Variants in SFMBT2 observed in about 807,000 individuals in gnomAD.
The protein encoded by SFMBT2 is scm-like with four MBT domains protein 2.
SFMBT2 carries 38 observed loss-of-function variants against 110.1 expected under a neutral mutation model. The ratio of observed to expected loss-of-function variants is 0.35; its 90% CI spans 0.27 to 0.45. The LOEUF (loss-of-function observed/expected upper bound fraction) is 0.45. Ranked by LOEUF, SFMBT2 falls within the 20% of genes least tolerant of loss-of-function variation. SFMBT2 has a pLI of 1.00. For synonymous variants in SFMBT2, 425 were observed against 425.4 expected (o/e 1.00, Z 0.01); for missense variants, 1,011 against 1,094.9 (o/e 0.92, Z 1.08).
In SFMBT2 at chr10:7,383,362, T is replaced by C. The variant is rs1845480712; in HGVS notation, c.-51-1413A>G. Among the ~76,000 whole-genome samples, 3 of 151,980 alleles carry C rather than the reference T, an allele frequency of 2.0e-5. No individual in the cohort carries two copies. In the South Asian group the frequency reaches 6.2e-4, roughly 32 times the overall value. On this transcript the variant is annotated intron_variant, in intron 1 of 20. Transcript: ENST00000397167. ...TCTAAATAAACAAAAAACAGGAGGTTCATGAAAGAGCATGTTACTCATTTG... is the reference window on the plus strand; with the variant it reads ...TCTAAATAAACAAAAAACAGGAGGTCCATGAAAGAGCATGTTACTCATTTG...
At chr10:7,358,013 A>G (rs143201205) in intron 4 of SFMBT2, among the ~76,000 whole-genome samples, 1,657 of 152,182 alleles carry the variant, frequency 0.011, 16 homozygotes, top group Non-Finnish European at 0.016. Flanking sequence ...TGACATCAAC[A>G]TGGCCCTAGA....
At chr10:7,181,048 G>T (rs950542268) in intron 16 of SFMBT2, among the ~76,000 whole-genome samples, 2 of 152,026 alleles carry the variant, frequency 1.3e-5, no homozygotes, top group African/African-American at 2.4e-5. Context: ...GGACCATCCT[G>T]GCCAACATGG....
chr10:7,245,434 C>T (rs1482520720), intron 8 of SFMBT2, among the ~76,000 whole-genome samples: 1 of 152,176 alleles, frequency 6.6e-6, no homozygotes, highest in East Asian at 1.9e-4. Flanking sequence ...TTTCCACAAC[C>T]GTTAAAATGC....
At chr10:7,336,098 T>C (rs564569263) in intron 4 of SFMBT2, among the ~76,000 whole-genome samples, 2 of 152,256 alleles carry the variant, frequency 1.3e-5, no homozygotes, top group Non-Finnish European at 2.9e-5. Flanking sequence ...CAACAGTTTT[T>C]AAAATCTTAA....
intron 1 of SFMBT2, among the ~76,000 whole-genome samples, chr10:7,390,754 A>G (rs1845741790): frequency 6.6e-6 from 1 of 152,250 alleles, no homozygotes; most frequent in African/African-American, 2.4e-5. Context: ...TAGACACTAC[A>G]GAACAGTAAT....
intron 17 of SFMBT2, among the ~76,000 whole-genome samples, chr10:7,173,956 T>C (rs916837316): frequency 1.5e-4 from 23 of 152,166 alleles, no homozygotes; most frequent in Non-Finnish European, 3.1e-4. Context: ...ACTTACAAAA[T>C]GAGACCATCA....
chr10:7,336,114 T>C (rs1238309784), intron 4 of SFMBT2, among the ~76,000 whole-genome samples: 1 of 152,228 alleles, frequency 6.6e-6, no homozygotes, highest in Admixed American at 6.5e-5. Flanking sequence ...CTTAAATCAT[T>C]TGTAAATTAA....
chr10:7,318,156 G>A (rs1274495624), intron 4 of SFMBT2, among the ~76,000 whole-genome samples: 1 of 152,246 alleles, frequency 6.6e-6, no homozygotes, highest in Non-Finnish European at 1.5e-5. Flanking sequence ...AAGAGAAAGT[G>A]GCAAATTCAT....
intron 4 of SFMBT2, among the ~76,000 whole-genome samples, chr10:7,315,064 G>GAAAGAAAGAAAGAA (rs1842963778): frequency 7.2e-6 from 1 of 139,628 alleles, no homozygotes; most frequent in African/African-American, 2.7e-5. Context: ...AAGAAAGAAA[G>GAAAGAAAGAAAGAA]AAAGAAAGAA....
chr10:7,165,959 C>T (rs1367640632), intron 20 of SFMBT2, among the ~76,000 whole-genome samples: 1 of 152,192 alleles, frequency 6.6e-6, no homozygotes, highest in East Asian at 1.9e-4. Flanking sequence ...ACTTTCAGAG[C>T]CAAATCCACA....
At chr10:7,368,252 G>GTC (rs1844966226) in intron 3 of SFMBT2, 1 of 726,550 alleles carries the variant, frequency 1.4e-6, no homozygotes. Context: ...TACACTCAGA[G>GTC]CACATCTGAA....
chr10:7,240,161 G>A (rs1484272676), intron 9 of SFMBT2, among the ~76,000 whole-genome samples: 1 of 152,022 alleles, frequency 6.6e-6, no homozygotes, highest in Non-Finnish European at 1.5e-5. Context: ...CCCCACCTCT[G>A]TCCCTCATAC....
At chr10:7,234,367 G>C (rs190424905) in intron 9 of SFMBT2, among the ~76,000 whole-genome samples, 6 of 152,294 alleles carry the variant, frequency 3.9e-5, no homozygotes, top group African/African-American at 1.2e-4. Flanking sequence ...TCTGCTGAGG[G>C]AATGTTCTAC....
chr10:7,357,101 G>T (rs1049310125), intron 4 of SFMBT2, among the ~76,000 whole-genome samples: 4 of 152,200 alleles, frequency 2.6e-5, no homozygotes, highest in Non-Finnish European at 5.9e-5. Context: ...TTGTCTGTTA[G>T]GGCAAAGTAG....
intron 4 of SFMBT2, chr10:7,320,577 G>A (rs1227786486): frequency 2.0e-6 from 2 of 984,364 alleles, no homozygotes; most frequent in Non-Finnish European, 2.4e-6. Context: ...GCAGAGAACA[G>A]TAAAGTCACA....
intron 7 of SFMBT2, among the ~76,000 whole-genome samples, chr10:7,254,614 G>A (rs1437575638): frequency 1.3e-5 from 2 of 152,044 alleles, no homozygotes; most frequent in African/African-American, 2.4e-5. Flanking sequence ...GAGGTCAAGA[G>A]ATCGAGACCA....
At chr10:7,375,458 G>C (rs1845173918) in intron 2 of SFMBT2, among the ~76,000 whole-genome samples, 1 of 152,108 alleles carries the variant, frequency 6.6e-6, no homozygotes, top group African/African-American at 2.4e-5. Flanking sequence ...TTAGATGCTA[G>C]ATATTTTTTT....
intron 4 of SFMBT2, among the ~76,000 whole-genome samples, chr10:7,346,301 A>C (rs1268911612): frequency 6.6e-6 from 1 of 152,222 alleles, no homozygotes; most frequent in Non-Finnish European, 1.5e-5. Context: ...CCGGTGTTCT[A>C]ACATTTTATG....
At chr10:7,294,605 T>C (rs1349402833) in intron 4 of SFMBT2, among the ~76,000 whole-genome samples, 1 of 152,184 alleles carries the variant, frequency 6.6e-6, no homozygotes, top group African/African-American at 2.4e-5. Flanking sequence ...ATTCTGATGG[T>C]TAATTTTTGT....
Sources: allele counts gnomAD v4.1 joint callset (sites outside exome capture counted in the v4.1 genomes callset), GRCh38; gene constraint gnomAD v4.1.1; transcripts MANE v1.5; gene names NCBI Gene and HGNC (gene_info 2026-07-23, HGNC 2026-07-21).